Variants in CAMK1D observed in about 807,000 individuals in gnomAD.
CAMK1D encodes calcium/calmodulin-dependent protein kinase type 1D.
A neutral mutation model predicts 47.7 loss-of-function variants in CAMK1D; 9 were observed. That is an observed-to-expected ratio of 0.19 (90% CI 0.11 to 0.33). The LOEUF (loss-of-function observed/expected upper bound fraction) is 0.33, where lower values mean the gene tolerates loss of function less well. Ranked by LOEUF, CAMK1D falls within the 10% of genes least tolerant of loss-of-function variation. The pLI, the probability that CAMK1D is intolerant of heterozygous loss-of-function variation, is 1.00. For synonymous variants in CAMK1D, 184 were observed against 184.9 expected (o/e 0.99, Z 0.04); for missense variants, 291 against 488.7 (o/e 0.60, Z 3.81).
chr10:12,674,690 G>A (rs1840745393), intron 3 of CAMK1D, among the ~76,000 whole-genome samples: 1 of 144,474 alleles, frequency 6.9e-6, no homozygotes, highest in Non-Finnish European at 1.5e-5. Context: ...AGTGATAGAT[G>A]GAAAGTCAGT....
chr10:12,389,197 G>A (rs1219446408), intron 1 of CAMK1D, among the ~76,000 whole-genome samples: 2 of 147,790 alleles, frequency 1.4e-5, no homozygotes, highest in Admixed American at 6.9e-5. Flanking sequence ...GTGGGGGTGT[G>A]TGTGGTCAGT....
At chr10:12,422,782 C>G (rs191954586) in intron 1 of CAMK1D, among the ~76,000 whole-genome samples, 240 of 151,942 alleles carry the variant, frequency 1.6e-3, no homozygotes, top group African/African-American at 4.7e-3. Context: ...AAGTGATTCT[C>G]TTGCCTCAGC....
intron 1 of CAMK1D, among the ~76,000 whole-genome samples, chr10:12,514,746 G>T (rs899411861): frequency 6.6e-6 from 1 of 152,202 alleles, no homozygotes; most frequent in Non-Finnish European, 1.5e-5. Flanking sequence ...GATATTATTC[G>T]CTTTCCCCAC....
intron 1 of CAMK1D, among the ~76,000 whole-genome samples, chr10:12,386,927 C>T (rs116350987): frequency 0.013 from 2,027 of 152,176 alleles, 41 homozygotes; most frequent in African/African-American, 0.036. Flanking sequence ...CTCAGCCGGG[C>T]GCAGTAGCTC....
intron 1 of CAMK1D, among the ~76,000 whole-genome samples, chr10:12,457,783 A>G (rs1833299896): frequency 6.6e-6 from 1 of 151,038 alleles, no homozygotes; most frequent in Non-Finnish European, 1.5e-5. Flanking sequence ...CTGTCTCAAA[A>G]AAAAAAAAAA....
At chr10:12,665,030 T>C (rs1320922875) in intron 2 of CAMK1D, among the ~76,000 whole-genome samples, 1 of 152,236 alleles carries the variant, frequency 6.6e-6, no homozygotes, top group African/African-American at 2.4e-5. Flanking sequence ...CCGTGATTTG[T>C]AGGATCTTGG....
intron 2 of CAMK1D, among the ~76,000 whole-genome samples, chr10:12,564,148 T>G (rs1837046760): frequency 7.6e-5 from 1 of 13,082 alleles, no homozygotes; most frequent in Non-Finnish European, 2.4e-4. Flanking sequence ...TCTCTCTCTG[T>G]CTCTCTCTCT....
At chr10:12,397,017 C>T (rs1020685353) in intron 1 of CAMK1D, among the ~76,000 whole-genome samples, 55 of 152,292 alleles carry the variant, frequency 3.6e-4, no homozygotes, top group African/African-American at 1.2e-3. Context: ...CCAGCTCCTC[C>T]GCAGCCATTG....
chr10:12,351,730 G>A (rs568891063), intron 1 of CAMK1D, among the ~76,000 whole-genome samples: 150 of 152,290 alleles, frequency 9.8e-4, no homozygotes, highest in Admixed American at 1.5e-3. Flanking sequence ...CCACCTTGGG[G>A]AAAAATGGGG....
At chr10:12,545,330 G>A (rs1836328225) in intron 1 of CAMK1D, among the ~76,000 whole-genome samples, 1 of 60,096 alleles carries the variant, frequency 1.7e-5, no homozygotes, top group South Asian at 5.8e-4. Context: ...TGCGTCTGTA[G>A]TTTTAGCTAC....
chr10:12,496,375 G>T (rs550966146), intron 1 of CAMK1D, among the ~76,000 whole-genome samples: 3 of 152,122 alleles, frequency 2.0e-5, no homozygotes, highest in African/African-American at 7.2e-5. Context: ...TCTTCATGGC[G>T]TCTGGGACCC....
At chr10:12,747,692 T>A (rs1308946575) in intron 3 of CAMK1D, among the ~76,000 whole-genome samples, 1 of 152,160 alleles carries the variant, frequency 6.6e-6, no homozygotes, top group Non-Finnish European at 1.5e-5. Context: ...TCCCAAGATC[T>A]GCAGGTGGCA....
intron 2 of CAMK1D, among the ~76,000 whole-genome samples, chr10:12,573,423 A>G (rs1837388490): frequency 6.6e-6 from 1 of 152,108 alleles, no homozygotes; most frequent in Admixed American, 6.5e-5. Context: ...CACTGCAGTC[A>G]TTGGCACGAA....
At chr10:12,525,457 T>C (rs1835589313) in intron 1 of CAMK1D, among the ~76,000 whole-genome samples, 1 of 152,240 alleles carries the variant, frequency 6.6e-6, no homozygotes, top group Non-Finnish European at 1.5e-5. Flanking sequence ...GATCATTCTC[T>C]CTTCCAGTTT....
In CAMK1D at chr10:12,828,787, T is replaced by G; in HGVS notation, c.1058T>G (p.Leu353Arg). The G allele has an allele frequency of 6.2e-7, 1 of 1,613,462 alleles. No individual in the cohort carries two copies. The highest frequency in any genetic ancestry group is 8.5e-7 in the Non-Finnish European group (1 of 1,179,666). The change falls in exon 11 of 11, where the codon CTC (leucine) becomes CGC (arginine). Residue 353 changes from leucine to arginine, a missense_variant. Leu to Arg is a moderately radical substitution (Grantham distance 102). This residue lies in a region of CAMK1D where 72 missense variants were observed against 64.4 expected (regional missense o/e 1.12). Coordinates refer to ENST00000619168, the MANE Select transcript of CAMK1D (RefSeq NM_153498.4). ...CCTGCAGGTCTGGCACCTTCCACGC[T>G]CTGTAGTTTCATTTCTTCTTCGTCG... ...SQKDCLAPST[L>R]CSFISSSSGV...
At chr10:12,590,632 A>G (rs1207865377) in intron 2 of CAMK1D, among the ~76,000 whole-genome samples, 3 of 152,144 alleles carry the variant, frequency 2.0e-5, no homozygotes, top group Non-Finnish European at 2.9e-5. Context: ...ACAAAACACA[A>G]TGTGATTTGT....
At chr10:12,680,091 C>T (rs566945374) in intron 3 of CAMK1D, among the ~76,000 whole-genome samples, 4 of 152,320 alleles carry the variant, frequency 2.6e-5, no homozygotes, top group African/African-American at 9.6e-5. Flanking sequence ...TTCATTCACT[C>T]AACAAGTATT....
intron 6 of CAMK1D, among the ~76,000 whole-genome samples, chr10:12,801,350 TATCTTATCTATCTATCTATCTATC>T (rs1838451005): frequency 9.4e-6 from 1 of 106,160 alleles, no homozygotes; most frequent in South Asian, 3.2e-4. Context: ...TCTATCTATC[TATCTTATCTATCTATCTATCTATC>T]TATCTATCTA....
In CAMK1D at chr10:12,694,241, T is replaced by TATTATATATAATATAA. The variant is rs1554811674; in HGVS notation, c.299+27432_299+27433insTTATATATAATATAAA. On this transcript the variant is annotated intron_variant, in intron 3 of 10. Coordinates refer to ENST00000619168, the MANE Select transcript of CAMK1D (RefSeq NM_153498.4). ...TAAAATATATATTATGTATAATATA[T>TATTATATATAATATAA]AATATATATTATGTATAATATATAA... Among the ~76,000 whole-genome samples, 18 of 17,202 alleles carry TATTATATATAATATAA rather than the reference T, an allele frequency of 1.0e-3. 5 individuals are homozygous for TATTATATATAATATAA. Among genetic ancestry groups the TATTATATATAATATAA allele is most frequent in the African/African-American group, 2.5e-3 (10 of 3,956 alleles). The allele number at this position is 17,202 out of a possible 152,430, so 11.3% of individuals were successfully genotyped here.
Sources: allele counts gnomAD v4.1 joint callset (sites outside exome capture counted in the v4.1 genomes callset), GRCh38; gene constraint gnomAD v4.1.1; regional missense constraint gnomAD v4.1.1; transcripts MANE v1.5; gene names NCBI Gene and HGNC (gene_info 2026-07-23, HGNC 2026-07-21).